Variants in SRBD1 observed in about 807,000 individuals in gnomAD.
SRBD1 encodes S1 RNA-binding domain-containing protein 1.
In SRBD1, 88 loss-of-function variants were observed where a neutral mutation model predicts 115.3. The ratio of observed to expected loss-of-function variants is 0.76; its 90% CI spans 0.64 to 0.91. The LOEUF (loss-of-function observed/expected upper bound fraction) is 0.91, where lower values mean the gene tolerates loss of function less well. Among genes scored for constraint, SRBD1 ranks in the 40% least tolerant of loss-of-function variants. The probability of loss-of-function intolerance (pLI) is 0.00; values close to 1 mark genes in which losing one functional copy is unlikely to be tolerated. For synonymous variants in SRBD1, 509 were observed against 407.7 expected (o/e 1.25, Z -2.99); for missense variants, 1,385 against 1,177.4 (o/e 1.18, Z -2.58).
At chr2:45,402,007 G>A (rs1667304521) in intron 19 of SRBD1, among the ~76,000 whole-genome samples, 1 of 152,128 alleles carries the variant, frequency 6.6e-6, no homozygotes, top group South Asian at 2.1e-4. Context: ...GAACAGGAAT[G>A]GGAAAGAGAC....
At chr2:45,547,475 G>A in intron 13 of SRBD1, 47 bp downstream of exon 13, 1 of 1,535,366 alleles carries the variant, frequency 6.5e-7, no homozygotes, top group Non-Finnish European at 9.0e-7. Flanking sequence ...AGGTATCTCT[G>A]GTTGACTGAG....
intron 14 of SRBD1, among the ~76,000 whole-genome samples, chr2:45,517,500 C>G (rs1343086685): frequency 6.6e-6 from 1 of 152,164 alleles, no homozygotes; most frequent in African/African-American, 2.4e-5. Flanking sequence ...CAATGAAAGA[C>G]TAATGTGACA....
intron 16 of SRBD1, among the ~76,000 whole-genome samples, chr2:45,468,177 C>T (rs1302335684): frequency 1.3e-5 from 2 of 151,978 alleles, no homozygotes; most frequent in African/African-American, 4.8e-5. Context: ...TTTATATCAG[C>T]CCTATAATAC....
rs1272965519 is a variant in SRBD1 at position 45,413,287 on chromosome 2, T to G, written c.2340A>C (p.Gln780His). 1.1e-5 allele frequency: 17 copies of G among 1,612,270 alleles called. No individual in the cohort carries two copies. Among genetic ancestry groups the G allele is most frequent in the Non-Finnish European group, 1.4e-5 (17 of 1,179,590 alleles). The stretch of plus-strand genomic sequence containing the variant: ...CTTGAATTTGGCCTGAAGTTTCAGT[T>G]TGCTGACTATATAAAACCAGAAAAA... Reference protein sequence around the residue: ...QDYIRTFCSQQTETSGQIQGV... With the variant: ...QDYIRTFCSQHTETSGQIQGV... Residue 780 changes from glutamine to histidine, a missense_variant, in exon 19 of 21, where the codon CAA becomes CAC. Transcript: ENST00000263736.
At chr2:45,397,771 A>C (rs72616915) in intron 19 of SRBD1, among the ~76,000 whole-genome samples, 7,104 of 152,104 alleles carry the variant, frequency 0.047, 313 homozygotes, top group East Asian at 0.15. Flanking sequence ...TATTTTTTAA[A>C]AATGTTTTGT....
intron 5 of SRBD1, 37 bp downstream of exon 5, chr2:45,585,571 C>T (rs757429727): frequency 1.9e-6 from 3 of 1,580,786 alleles, no homozygotes; most frequent in Non-Finnish European, 2.6e-6. Flanking sequence ...TGGCCTTTTC[C>T]CCTTACACTA....
chr2:45,584,100 C>T (rs1673444740), intron 5 of SRBD1, among the ~76,000 whole-genome samples: 1 of 152,154 alleles, frequency 6.6e-6, no homozygotes. Context: ...AAACAGAAAG[C>T]TTACTTCAGA....
chr2:45,470,486 A>C (rs1176268794), intron 16 of SRBD1, among the ~76,000 whole-genome samples: 1 of 152,216 alleles, frequency 6.6e-6, no homozygotes, highest in African/African-American at 2.4e-5. Flanking sequence ...AGAGGCACAA[A>C]GGAGGAAAGA....
At chr2:45,438,646 G>GAC (rs903759201) in intron 16 of SRBD1, among the ~76,000 whole-genome samples, 5 of 152,078 alleles carry the variant, frequency 3.3e-5, no homozygotes, top group Non-Finnish European at 5.9e-5. Context: ...AACACGAAGA[G>GAC]AGATATGCAG....
rs778143583 is a variant in SRBD1, at chr2:45,476,978, T to A, written c.2049+15A>T. ...TTGATGGATTTCATAAATTAAATGATCCACATAGCTTTACCTGATACATTC... is the reference window on the plus strand; with the variant it reads ...TTGATGGATTTCATAAATTAAATGAACCACATAGCTTTACCTGATACATTC... On this transcript the variant is annotated intron_variant, in intron 16 of 20. Transcript: ENST00000263736. 6.2e-7 allele frequency: 1 copy of A among 1,611,052 alleles called. No individual in the cohort carries two copies. Among genetic ancestry groups the A allele is most frequent in the African/African-American group, 1.3e-5 (1 of 74,874 alleles).
At chr2:45,504,534 C>T (rs1211002262) in intron 14 of SRBD1, among the ~76,000 whole-genome samples, 1 of 152,132 alleles carries the variant, frequency 6.6e-6, no homozygotes, top group Non-Finnish European at 1.5e-5. Context: ...TCAAAGCATA[C>T]AGCCAATTAT....
intron 16 of SRBD1, among the ~76,000 whole-genome samples, chr2:45,466,610 G>A (rs1012163135): frequency 2.6e-5 from 4 of 152,114 alleles, no homozygotes; most frequent in Non-Finnish European, 5.9e-5. Flanking sequence ...AAATGAGTAC[G>A]TTCACTTTAA....
At chr2:45,426,743 G>C (rs974728425) in intron 16 of SRBD1, among the ~76,000 whole-genome samples, 2 of 152,184 alleles carry the variant, frequency 1.3e-5, no homozygotes, top group African/African-American at 4.8e-5. Flanking sequence ...AACTCCAGAA[G>C]ACCTGCAGCA....
intron 16 of SRBD1, among the ~76,000 whole-genome samples, chr2:45,439,694 T>C (rs979836629): frequency 6.6e-6 from 1 of 151,902 alleles, no homozygotes; most frequent in Non-Finnish European, 1.5e-5. Flanking sequence ...AATACTTATA[T>C]TAAATGTTAG....
intron 4 of SRBD1, among the ~76,000 whole-genome samples, chr2:45,591,763 T>C (rs1051629792): frequency 3.9e-5 from 6 of 152,142 alleles, no homozygotes; most frequent in African/African-American, 1.4e-4. Context: ...TCTCTAAAAG[T>C]GATAAATTGG....
intron 4 of SRBD1, among the ~76,000 whole-genome samples, chr2:45,589,306 A>C (rs193265047): frequency 1.3e-3 from 195 of 152,320 alleles, no homozygotes; most frequent in African/African-American, 4.5e-3. Context: ...AGGGGAAGAT[A>C]AAATATTAAT....
intron 16 of SRBD1, among the ~76,000 whole-genome samples, chr2:45,466,768 C>T (rs1669501009): frequency 6.6e-6 from 1 of 152,156 alleles, no homozygotes; most frequent in South Asian, 2.1e-4. Flanking sequence ...TCCTAATTTT[C>T]CTCCTACATT....
intron 16 of SRBD1, among the ~76,000 whole-genome samples, chr2:45,441,493 A>G (rs1443186800): frequency 1.3e-5 from 2 of 152,098 alleles, no homozygotes; most frequent in Admixed American, 6.5e-5. Context: ...CTTTAATTTT[A>G]TTTCCTTAAG....
intron 14 of SRBD1, among the ~76,000 whole-genome samples, chr2:45,533,488 T>C (rs915007857): frequency 6.6e-6 from 1 of 152,090 alleles, no homozygotes; most frequent in Middle Eastern, 3.2e-3. Context: ...TCTCAGAAAC[T>C]ATCCTTTTCT....
Sources: gnomAD v4.1 joint callset for allele counts (sites outside exome capture counted in the v4.1 genomes callset) on GRCh38, gnomAD v4.1.1 for gene constraint, MANE v1.5 for transcripts, NCBI Gene and HGNC (gene_info 2026-07-23, HGNC 2026-07-21) for gene names.